Variants in GGNBP2 observed in about 807,000 individuals in gnomAD.
GGNBP2 encodes gametogenetin-binding protein 2.
GGNBP2 carries 10 observed loss-of-function variants against 85.9 expected under a neutral mutation model. That is an observed-to-expected ratio of 0.12 (90% confidence interval 0.07 to 0.20). The LOEUF is 0.20. Ranked by LOEUF, GGNBP2 falls within the 10% of genes least tolerant of loss-of-function variation. GGNBP2 has a pLI of 1.00. For synonymous variants in GGNBP2, 287 were observed against 285.7 expected (o/e 1.00, Z -0.05); for missense variants, 595 against 857.8 (o/e 0.69, Z 3.83).
chr17:36,565,594 A>G (rs2074459819), intron 5 of GGNBP2, among the ~76,000 whole-genome samples: 1 of 152,074 alleles, frequency 6.6e-6, no homozygotes, highest in Non-Finnish European at 1.5e-5. Context: ...CATTATACTG[A>G]TCAAGTATAG....
intron 4 of GGNBP2, among the ~76,000 whole-genome samples, chr17:36,559,232 G>A (rs1254007055): frequency 6.7e-6 from 1 of 150,328 alleles, no homozygotes; most frequent in Non-Finnish European, 1.5e-5. Context: ...GGGAGGCGGA[G>A]GTTGCAGTGA....
intron 2 of GGNBP2, 39 bp downstream of exon 2, chr17:36,545,856 G>A: frequency 7.0e-7 from 1 of 1,435,276 alleles, no homozygotes; most frequent in Non-Finnish European, 9.6e-7. Flanking sequence ...CCGCTCCCCT[G>A]GCAGCTGTTT....
rs2074243859 is a variant in GGNBP2, at chr17:36,545,601, G to A, written c.-106-18G>A. 1 of 701,754 alleles carries A rather than the reference G, an allele frequency of 1.4e-6. No homozygotes were observed. The highest frequency in any genetic ancestry group is 1.8e-5 in the African/African-American group (1 of 55,612). 43.5% of individuals were successfully genotyped at this position (701,754 alleles called of 1,614,324 possible). A position where few individuals can be genotyped will look rare whatever the true frequency, so the allele number is the denominator to read the frequency against. ...CGCAGCGGCGGGTGCTTACGCTCGC[G>A]GGGTTTGGCTGTTGCAGGCAGGAGC... On this transcript the variant is annotated intron_variant, in intron 1 of 13. Coordinates refer to ENST00000613102, the MANE Select transcript of GGNBP2 (RefSeq NM_024835.5).
intron 2 of GGNBP2, among the ~76,000 whole-genome samples, chr17:36,552,537 TATAA>T (rs10584099): frequency 0.3 from 45,428 of 151,962 alleles, 8,253 homozygotes; most frequent in Non-Finnish European, 0.41. Context: ...TGAAAGTGCT[TATAA>T]CAATGTCTAA....
intron 6 of GGNBP2, among the ~76,000 whole-genome samples, chr17:36,573,887 T>A (rs2074550673): frequency 6.6e-6 from 1 of 152,176 alleles, no homozygotes; most frequent in Non-Finnish European, 1.5e-5. Flanking sequence ...GTTATTTTAT[T>A]TTTTTGACAG....
chr17:36,586,948 C>A, intron 12 of GGNBP2, 49 bp from the exon 13 acceptor site: 11 of 1,340,130 alleles, frequency 8.2e-6, no homozygotes, highest in Non-Finnish European at 1.1e-5. Context: ...AGAATAATTG[C>A]TATTATATCA....
chr17:36,550,991 C>CT (rs1357861254), intron 2 of GGNBP2, among the ~76,000 whole-genome samples: 2 of 152,114 alleles, frequency 1.3e-5, no homozygotes, highest in Non-Finnish European at 2.9e-5. Flanking sequence ...AGCCATTGTC[C>CT]TAAGTGTTTG....
intron 5 of GGNBP2, among the ~76,000 whole-genome samples, chr17:36,563,399 T>C (rs2074438658): frequency 6.6e-6 from 1 of 152,182 alleles, no homozygotes. Flanking sequence ...TTGCCACACT[T>C]GCTTCATTTA....
At chr17:36,571,635 A>AT (rs1555606843) in intron 6 of GGNBP2, among the ~76,000 whole-genome samples, 1 of 151,800 alleles carries the variant, frequency 6.6e-6, no homozygotes, top group African/African-American at 2.4e-5. Flanking sequence ...AGGTCAGGAG[A>AT]TTGAGACTAT....
intron 5 of GGNBP2, among the ~76,000 whole-genome samples, chr17:36,565,116 G>A (rs1032818354): frequency 6.6e-5 from 10 of 152,266 alleles, no homozygotes; most frequent in South Asian, 2.1e-4. Context: ...GTGTAAAAGC[G>A]TTCCAAGGAA....
chr17:36,583,086 G>A (rs2074666999), intron 9 of GGNBP2, among the ~76,000 whole-genome samples: 1 of 151,386 alleles, frequency 6.6e-6, no homozygotes, highest in East Asian at 1.9e-4. Context: ...ACAGAGTCTC[G>A]CTCTGTTGCC....
chr17:36,586,215 G>C lies in GGNBP2; in HGVS notation c.1641+17G>C, dbSNP rs750154651. On this transcript the variant is annotated intron_variant, in intron 12 of 13. Transcript: ENST00000613102. ...GATGAACATGTAAGTGTCATAACTTGTAATTCTTAAACCTTTGCTGTTGAG... is the reference window on the plus strand; with the variant it reads ...GATGAACATGTAAGTGTCATAACTTCTAATTCTTAAACCTTTGCTGTTGAG... The C allele has an allele frequency of 5.6e-6, 9 of 1,606,552 alleles. No individual in the cohort carries two copies. Among genetic ancestry groups the C allele is most frequent in the Non-Finnish European group, 6.8e-6 (8 of 1,178,588 alleles).
intron 6 of GGNBP2, among the ~76,000 whole-genome samples, chr17:36,568,699 T>C (rs57705647): frequency 0.38 from 58,170 of 152,086 alleles, 11,548 homozygotes; most frequent in Middle Eastern, 0.47. Context: ...TCATGTGTTT[T>C]GTTACTATAA....
chr17:36,585,038 C>G (rs1395339772), intron 9 of GGNBP2, among the ~76,000 whole-genome samples: 1 of 151,800 alleles, frequency 6.6e-6, no homozygotes, highest in Non-Finnish European at 1.5e-5. Context: ...CAGAGACATT[C>G]ATAAGTGAAA....
chr17:36,556,573 G>A (rs757407952), intron 3 of GGNBP2, among the ~76,000 whole-genome samples: 4 of 151,942 alleles, frequency 2.6e-5, no homozygotes, highest in Non-Finnish European at 5.9e-5. Context: ...GCGTGGTGGT[G>A]CACACCTGTA....
chr17:36,571,341 G>A (rs1270890345), intron 6 of GGNBP2, among the ~76,000 whole-genome samples: 3 of 152,032 alleles, frequency 2.0e-5, no homozygotes, highest in African/African-American at 7.3e-5. Flanking sequence ...CACAAGGTCA[G>A]GAGTTCAAGA....
At chr17:36,563,589 GTT>G (rs199777252) in intron 5 of GGNBP2, among the ~76,000 whole-genome samples, 9 of 129,614 alleles carry the variant, frequency 6.9e-5, no homozygotes, top group Admixed American at 7.7e-5. Flanking sequence ...CCTGTTTCTG[GTT>G]TTTTTTTTTT....
intron 5 of GGNBP2, among the ~76,000 whole-genome samples, chr17:36,566,166 G>A (rs867326044): frequency 3.3e-5 from 5 of 152,204 alleles, no homozygotes; most frequent in Non-Finnish European, 5.9e-5. Flanking sequence ...GAGACCTGCA[G>A]AAGAACAGAC....
intron 4 of GGNBP2, among the ~76,000 whole-genome samples, chr17:36,559,756 G>A (rs1265706383): frequency 6.6e-6 from 1 of 152,130 alleles, no homozygotes; most frequent in African/African-American, 2.4e-5. Context: ...TTGGTGGGTT[G>A]GACAGGGATG....
Sources: allele counts gnomAD v4.1 joint callset (sites outside exome capture counted in the v4.1 genomes callset), GRCh38; gene constraint gnomAD v4.1.1; transcripts MANE v1.5; gene names NCBI Gene and HGNC (gene_info 2026-07-23, HGNC 2026-07-21).